CADM1: variants seen among roughly 807,000 people sequenced by gnomAD.
CADM1 encodes the protein TSLC-1.
A neutral mutation model predicts 53.1 loss-of-function variants in CADM1; 15 were observed. The observed-to-expected ratio is 0.28, with a 90% CI of 0.19 to 0.44. The LOEUF (loss-of-function observed/expected upper bound fraction) is 0.44, where lower values mean the gene tolerates loss of function less well. Ranked by LOEUF, CADM1 falls within the 20% of genes least tolerant of loss-of-function variation. The probability of loss-of-function intolerance (pLI) is 1.00; values close to 1 mark genes in which losing one functional copy is unlikely to be tolerated. For missense variants in CADM1, 434 were observed against 611.3 expected, an observed-to-expected ratio of 0.71 and a Z score of 3.06; for synonymous variants, 281 against 243.0, an observed-to-expected ratio of 1.16 and a Z score of -1.45.
chr11:115,331,763 T>C (rs1419366638), intron 1 of CADM1, among the ~76,000 whole-genome samples: 2 of 151,990 alleles, frequency 1.3e-5, no homozygotes, highest in Admixed American at 6.6e-5. Context: ...GATTTTCTAA[T>C]AGAAATAAAG....
chr11:115,440,320 T>C (rs532059346), intron 1 of CADM1, among the ~76,000 whole-genome samples: 12 of 152,256 alleles, frequency 7.9e-5, no homozygotes, highest in Non-Finnish European at 1.6e-4. Flanking sequence ...TCATTGCCTG[T>C]ATTCCCACTC....
intron 1 of CADM1, among the ~76,000 whole-genome samples, chr11:115,456,264 G>C (rs1403374629): frequency 6.6e-6 from 1 of 151,880 alleles, no homozygotes; most frequent in Non-Finnish European, 1.5e-5. Flanking sequence ...ATACATAAAA[G>C]TATGTGACTT....
At chr11:115,297,789 T>A (rs1944117747) in intron 1 of CADM1, among the ~76,000 whole-genome samples, 1 of 152,172 alleles carries the variant, frequency 6.6e-6, no homozygotes, top group Non-Finnish European at 1.5e-5. Flanking sequence ...GATGGTGAAT[T>A]TGAGAAATGC....
chr11:115,463,511 G>A (rs544600454), intron 1 of CADM1, among the ~76,000 whole-genome samples: 3 of 152,264 alleles, frequency 2.0e-5, no homozygotes, highest in Non-Finnish European at 2.9e-5. Flanking sequence ...CCTCAAAAGA[G>A]AATGAGATAT....
At chr11:115,276,056 TA>T (rs1232896303) in intron 1 of CADM1, among the ~76,000 whole-genome samples, 1 of 152,204 alleles carries the variant, frequency 6.6e-6, no homozygotes, top group East Asian at 1.9e-4. Flanking sequence ...ACAGGTTATT[TA>T]AAATTGATGT....
intron 10 of CADM1, 76 bp from the exon 11 acceptor site, chr11:115,178,851 G>C: frequency 1.3e-6 from 2 of 1,484,258 alleles, no homozygotes; most frequent in African/African-American, 2.8e-5. Context: ...ACTGTCTCCA[G>C]GGTCAGAGGG....
At chr11:115,363,965 C>G (rs1565388057) in intron 1 of CADM1, among the ~76,000 whole-genome samples, 1 of 151,960 alleles carries the variant, frequency 6.6e-6, no homozygotes, top group Non-Finnish European at 1.5e-5. Flanking sequence ...GGTCTGTAGC[C>G]TAGGAGCAAT....
intron 1 of CADM1, among the ~76,000 whole-genome samples, chr11:115,244,794 A>G (rs1942356429): frequency 6.6e-6 from 1 of 152,116 alleles, no homozygotes; most frequent in South Asian, 2.1e-4. Flanking sequence ...TTATTTCCAT[A>G]TTTTATCCAG....
intron 1 of CADM1, among the ~76,000 whole-genome samples, chr11:115,262,728 T>C (rs572650787): frequency 1.3e-5 from 2 of 152,266 alleles, no homozygotes; most frequent in African/African-American, 2.4e-5. Context: ...AATAAATGAA[T>C]GAGTTGATAA....
intron 1 of CADM1, among the ~76,000 whole-genome samples, chr11:115,390,053 GA>G (rs1946796058): frequency 6.6e-6 from 1 of 152,136 alleles, no homozygotes; most frequent in Admixed American, 6.6e-5. Flanking sequence ...ACACATTCAT[GA>G]GCCATTAATG....
intron 1 of CADM1, among the ~76,000 whole-genome samples, chr11:115,330,589 G>A (rs1446782873): frequency 6.6e-6 from 1 of 152,096 alleles, no homozygotes; most frequent in Admixed American, 6.5e-5. Context: ...CCCAACATGT[G>A]CTAAGTACTA....
Position 115,383,849 on chromosome 11 carries a change from G to C in CADM1, c.124+120422C>G, listed in dbSNP as rs544447468. On this transcript the variant is annotated intron_variant, in intron 1 of 11. Transcript: ENST00000331581. Reference sequence around the variant, plus strand: ...GGTTCTTTTGCATCTGAATTTTTAAGTTAATCATCCTTAATTACCTTTCAT... The same window carrying C: ...GGTTCTTTTGCATCTGAATTTTTAACTTAATCATCCTTAATTACCTTTCAT... 4.6e-5 allele frequency among the ~76,000 whole-genome samples: 7 copies of C among 152,100 alleles called. No homozygotes were observed. In the South Asian group the frequency reaches 1.5e-3, roughly 32 times the overall value.
chr11:115,388,599 T>G (rs1946759346), intron 1 of CADM1, among the ~76,000 whole-genome samples: 1 of 144,326 alleles, frequency 6.9e-6, no homozygotes, highest in Admixed American at 6.9e-5. Context: ...TGTAATAGTG[T>G]AATCTCCAGA....
At chr11:115,284,703 C>T (rs1477520810) in intron 1 of CADM1, among the ~76,000 whole-genome samples, 3 of 152,040 alleles carry the variant, frequency 2.0e-5, no homozygotes, top group Non-Finnish European at 4.4e-5. Context: ...AGAAAGAATA[C>T]AAACATTTTC....
chr11:115,421,920 C>T (rs553079805), intron 1 of CADM1, among the ~76,000 whole-genome samples: 3 of 152,178 alleles, frequency 2.0e-5, no homozygotes, highest in Non-Finnish European at 4.4e-5. Context: ...ATTACATAAA[C>T]TCAAAATTAG....
intron 1 of CADM1, among the ~76,000 whole-genome samples, chr11:115,301,037 C>T (rs60883762): frequency 0.053 from 8,048 of 152,046 alleles, 523 homozygotes; most frequent in East Asian, 0.32. Flanking sequence ...CACAGTTTCT[C>T]TTGTACTTCA....
At chr11:115,364,213 T>C (rs1946100539) in intron 1 of CADM1, among the ~76,000 whole-genome samples, 1 of 152,240 alleles carries the variant, frequency 6.6e-6, no homozygotes, top group Admixed American at 6.5e-5. Flanking sequence ...TGAGTGTGTC[T>C]CAGTTTCAAA....
At chr11:115,261,777 C>T (rs1039912933) in intron 1 of CADM1, among the ~76,000 whole-genome samples, 3 of 151,468 alleles carry the variant, frequency 2.0e-5, no homozygotes, top group Admixed American at 2.0e-4. Context: ...TCATGCACTC[C>T]AATAAGATTT....
At chr11:115,226,422 G>A (rs1356181716) in intron 5 of CADM1, among the ~76,000 whole-genome samples, 3 of 152,170 alleles carry the variant, frequency 2.0e-5, no homozygotes, top group African/African-American at 7.2e-5. Flanking sequence ...TCTTTTCCAG[G>A]TCTATAGCTA....
Sources: allele counts gnomAD v4.1 joint callset (sites outside exome capture counted in the v4.1 genomes callset), GRCh38; gene constraint gnomAD v4.1.1; transcripts MANE v1.5; gene names NCBI Gene and HGNC (gene_info 2026-07-23, HGNC 2026-07-21).